The following DPP6 variants were observed in gnomAD, a reference collection of about 807,000 sequenced individuals.
DPP6 encodes the protein dipeptidyl peptidase like 6, also known as A-type potassium channel modulatory protein DPP6.
DPP6 carries 69 observed loss-of-function variants against 122.6 expected under a neutral mutation model. The ratio of observed to expected loss-of-function variants is 0.56; its 90% CI spans 0.46 to 0.69. The LOEUF is 0.69. Ranked by LOEUF, DPP6 falls within the 30% of genes least tolerant of loss-of-function variation. DPP6 has a pLI of 0.00. For missense variants in DPP6, 928 were observed against 1,116.9 expected, an observed-to-expected ratio of 0.83 and a Z score of 2.41; for synonymous variants, 418 against 433.1, an observed-to-expected ratio of 0.97 and a Z score of 0.43.
chr7:154,290,567 G>C (rs1277972158), intron 1 of DPP6, among the ~76,000 whole-genome samples: 1 of 151,736 alleles, frequency 6.6e-6, no homozygotes, highest in Admixed American at 6.6e-5. Flanking sequence ...CCTTGGACCC[G>C]GGAGGTGGAG....
At chr7:154,834,307 A>G (rs1259854821) in intron 16 of DPP6, among the ~76,000 whole-genome samples, 1 of 87,150 alleles carries the variant, frequency 1.1e-5, no homozygotes, top group Non-Finnish European at 2.4e-5. Flanking sequence ...GTCTCTACTA[A>G]ATACAAAAAA....
At chr7:154,079,772 T>C (rs1214899558) in intron 1 of DPP6, among the ~76,000 whole-genome samples, 1 of 152,088 alleles carries the variant, frequency 6.6e-6, no homozygotes, top group Non-Finnish European at 1.5e-5. Flanking sequence ...GATGCCCAGA[T>C]GGACCCTTCG....
intron 1 of DPP6, among the ~76,000 whole-genome samples, chr7:154,357,805 G>A (rs1381302139): frequency 1.3e-5 from 2 of 152,170 alleles, no homozygotes; most frequent in South Asian, 2.1e-4. Flanking sequence ...AGCTGGGCCC[G>A]ATGGCACATG....
the DPP6 span, among the ~76,000 whole-genome samples, chr7:153,867,630 A>C: frequency 6.6e-6 from 1 of 152,222 alleles, no homozygotes; most frequent in Non-Finnish European, 1.5e-5. Flanking sequence ...TTCCTAATTG[A>C]ATACCCTTTA....
chr7:154,438,138 C>G (rs1265848124), intron 1 of DPP6, among the ~76,000 whole-genome samples: 1 of 151,820 alleles, frequency 6.6e-6, no homozygotes, highest in East Asian at 1.9e-4. Context: ...GTTTCAGAAA[C>G]CCACTCAAAT....
At chr7:153,928,386 CT>C (rs1801006162) in intron 1 of DPP6, among the ~76,000 whole-genome samples, 1 of 59,948 alleles carries the variant, frequency 1.7e-5, no homozygotes, top group Admixed American at 2.0e-4. Flanking sequence ...TAATTTTTTT[CT>C]TTTCTTTCAT....
the DPP6 span, among the ~76,000 whole-genome samples, chr7:153,844,277 T>G: frequency 1.3e-5 from 2 of 152,224 alleles, no homozygotes; most frequent in Non-Finnish European, 2.9e-5. Context: ...ACTCCCCCTT[T>G]ACTCTGATTT....
chr7:154,506,725 C>A (rs778911083), intron 3 of DPP6, among the ~76,000 whole-genome samples: 1 of 152,148 alleles, frequency 6.6e-6, no homozygotes, highest in East Asian at 1.9e-4. Context: ...AACATGATTT[C>A]TCCTTTCTCT....
At chr7:154,549,700 A>G (rs1254317022) in intron 4 of DPP6, among the ~76,000 whole-genome samples, 13 of 152,188 alleles carry the variant, frequency 8.5e-5, no homozygotes, top group Non-Finnish European at 2.9e-5. Context: ...GCGAAGGCTC[A>G]TTCCCAAGAA....
intron 5 of DPP6, chr7:154,587,705 C>T: frequency 6.4e-7 from 1 of 1,552,402 alleles, no homozygotes; most frequent in South Asian, 1.2e-5. Flanking sequence ...TCATGTGACT[C>T]ATTAGCAGTA....
In DPP6 at chr7:154,241,076, T is replaced by A. The variant is rs1467275671; in HGVS notation, c.243+188013T>A. 2.0e-5 allele frequency among the ~76,000 whole-genome samples: 3 copies of A among 151,934 alleles called. No individual in the cohort carries two copies. Among genetic ancestry groups the A allele is most frequent in the African/African-American group, 7.3e-5 (3 of 41,240 alleles). Reference sequence around the variant, plus strand: ...AATATTGTGAAGTTCCGTTGATAAATAAATTGATGAAAACCTTTTTTCTTA... The same window carrying A: ...AATATTGTGAAGTTCCGTTGATAAAAAAATTGATGAAAACCTTTTTTCTTA... On this transcript the variant is annotated intron_variant, in intron 1 of 25. Coordinates refer to ENST00000377770, the MANE Select transcript of DPP6 (RefSeq NM_130797.4). The surrounding 1 kb of genome is among the most constrained non-coding windows in gnomAD (Gnocchi z 9.0).
chr7:154,601,903 G>A (rs1833422458), intron 5 of DPP6, among the ~76,000 whole-genome samples: 1 of 121,168 alleles, frequency 8.3e-6, no homozygotes, highest in African/African-American at 2.6e-5. Flanking sequence ...TGGAAAATAT[G>A]TGCTGACTCC....
chr7:154,260,277 C>T (rs553181593), intron 1 of DPP6, among the ~76,000 whole-genome samples: 4 of 152,078 alleles, frequency 2.6e-5, no homozygotes, highest in East Asian at 3.9e-4. Context: ...GTGTTGTGAT[C>T]GGATTCACTT....
chr7:153,989,854 C>T (rs1442318476), intron 1 of DPP6, among the ~76,000 whole-genome samples: 2 of 151,894 alleles, frequency 1.3e-5, no homozygotes, highest in African/African-American at 2.4e-5. Flanking sequence ...GCTCTGCCCA[C>T]CTGCAAGATG....
chr7:154,551,833 G>A (rs1829660006), intron 4 of DPP6, among the ~76,000 whole-genome samples: 1 of 152,108 alleles, frequency 6.6e-6, no homozygotes, highest in Non-Finnish European at 1.5e-5. Context: ...GCAGTTGGAG[G>A]TGAAAGGGAC....
intron 1 of DPP6, among the ~76,000 whole-genome samples, chr7:153,972,329 G>A (rs1203070912): frequency 2.0e-5 from 3 of 151,322 alleles, no homozygotes; most frequent in Non-Finnish European, 2.9e-5. Context: ...AAACACTGAT[G>A]CTGTTTTGCC....
At chr7:154,317,234 C>T (rs1220694253) in intron 1 of DPP6, among the ~76,000 whole-genome samples, 2 of 152,074 alleles carry the variant, frequency 1.3e-5, no homozygotes, top group African/African-American at 2.4e-5. Flanking sequence ...TGGTGGCTCA[C>T]GCCTGTAATC....
intron 1 of DPP6, among the ~76,000 whole-genome samples, chr7:154,027,303 AT>A (rs913853556): frequency 3.3e-5 from 5 of 152,108 alleles, no homozygotes; most frequent in East Asian, 1.9e-4. Flanking sequence ...GTTTCTAAAC[AT>A]TTTTTTTGGT....
chr7:154,573,952 CTGT>C (rs1457544705), intron 5 of DPP6, among the ~76,000 whole-genome samples: 1 of 152,180 alleles, frequency 6.6e-6, no homozygotes, highest in Non-Finnish European at 1.5e-5. Flanking sequence ...CCACTGGCTG[CTGT>C]TGGTTTCCAT....
Sources: allele counts gnomAD v4.1 joint callset (sites outside exome capture counted in the v4.1 genomes callset), GRCh38; gene constraint gnomAD v4.1.1; non-coding constraint Gnocchi (gnomAD v3.1); transcripts MANE v1.5; gene names NCBI Gene and HGNC (gene_info 2026-07-23, HGNC 2026-07-21).